Variants in CNTN4 observed in about 807,000 individuals in gnomAD.
CNTN4 encodes the protein contactin 4.
A neutral mutation model predicts 122.5 loss-of-function variants in CNTN4; 77 were observed. The observed-to-expected ratio is 0.63, with a 90% confidence interval of 0.52 to 0.76. The LOEUF (loss-of-function observed/expected upper bound fraction) is 0.76. Ranked by LOEUF, CNTN4 falls within the 30% of genes least tolerant of loss-of-function variation. CNTN4 has a pLI of 0.00. For synonymous variants in CNTN4, 512 were observed against 447.0 expected (o/e 1.15, Z -1.83); for missense variants, 1,256 against 1,259.1 (o/e 1.00, Z 0.04).
Position 2,705,708 on chromosome 3 carries a change from A to G in CNTN4, c.56-30507A>G, listed in dbSNP as rs1202633206. On this transcript the variant is annotated intron_variant, in intron 4 of 24. Transcript: ENST00000418658. ...ATATATAAATAAATATATAAAATATATAATATATACAACATATAAAATATA... is the reference window on the plus strand; with the variant it reads ...ATATATAAATAAATATATAAAATATGTAATATATACAACATATAAAATATA... Among the ~76,000 whole-genome samples the G allele has an allele frequency of 5.2e-5, 5 of 96,882 alleles. No homozygotes were observed. The East Asian group carries it at 9.7e-4, about 19-fold the overall frequency. 63.6% of individuals were successfully genotyped at this position (96,882 alleles called of 152,430 possible). A position where few individuals can be genotyped will look rare whatever the true frequency, so the allele number is the denominator to read the frequency against.
intron 2 of CNTN4, among the ~76,000 whole-genome samples, chr3:2,248,211 G>A (rs1416468015): frequency 2.0e-5 from 3 of 151,854 alleles, no homozygotes; most frequent in African/African-American, 2.4e-5. Context: ...ATACATAGAC[G>A]ACTGAATATT....
chr3:2,727,311 A>G (rs939897720), intron 4 of CNTN4, among the ~76,000 whole-genome samples: 1 of 152,226 alleles, frequency 6.6e-6, no homozygotes, highest in African/African-American at 2.4e-5. Context: ...TCTGCAGCAA[A>G]GCATATGAAT....
At chr3:2,897,040 A>G (rs1297600024) in intron 10 of CNTN4, among the ~76,000 whole-genome samples, 1 of 151,800 alleles carries the variant, frequency 6.6e-6, no homozygotes, top group Non-Finnish European at 1.5e-5. Context: ...TGTTTTTAGA[A>G]AATCGAAGCG....
intron 8 of CNTN4, among the ~76,000 whole-genome samples, chr3:2,872,871 T>A (rs2093802435): frequency 6.6e-6 from 1 of 152,170 alleles, no homozygotes; most frequent in Non-Finnish European, 1.5e-5. Context: ...GTTTAAAATG[T>A]TTATGTATGT....
chr3:2,161,613 A>AT (rs550051956), intron 2 of CNTN4, among the ~76,000 whole-genome samples: 76 of 152,222 alleles, frequency 5.0e-4, no homozygotes, highest in African/African-American at 1.7e-3. Flanking sequence ...CCATGATCAT[A>AT]TTTTTTTCCT....
intron 12 of CNTN4, among the ~76,000 whole-genome samples, chr3:2,917,283 G>A (rs1577263152): frequency 6.6e-6 from 1 of 151,994 alleles, no homozygotes. Context: ...GAGGGAGACC[G>A]TGGAAAGCGG....
chr3:2,732,395 G>T (rs1419988711), intron 4 of CNTN4, among the ~76,000 whole-genome samples: 1 of 151,984 alleles, frequency 6.6e-6, no homozygotes, highest in Non-Finnish European at 1.5e-5. Context: ...ACTCGGAGAC[G>T]CATTGTATTA....
At chr3:2,249,553 G>A (rs1212395651) in intron 2 of CNTN4, among the ~76,000 whole-genome samples, 1 of 151,914 alleles carries the variant, frequency 6.6e-6, no homozygotes, top group African/African-American at 2.4e-5. Context: ...CTAGCTTGTA[G>A]AGTCAAGTTT....
chr3:2,655,071 C>T (rs886266621), intron 4 of CNTN4, among the ~76,000 whole-genome samples: 3 of 152,078 alleles, frequency 2.0e-5, no homozygotes, highest in East Asian at 1.9e-4. Context: ...GGTGCAGCCA[C>T]GTAGAGTCAC....
chr3:2,386,905 A>G (rs543970532), intron 3 of CNTN4, among the ~76,000 whole-genome samples: 6 of 152,336 alleles, frequency 3.9e-5, no homozygotes, highest in South Asian at 2.1e-4. Context: ...AGCGCATTCA[A>G]TTTAGAGATT....
chr3:2,512,698 C>T (rs1251857840), intron 3 of CNTN4, among the ~76,000 whole-genome samples: 1 of 152,100 alleles, frequency 6.6e-6, no homozygotes, highest in Non-Finnish European at 1.5e-5. Flanking sequence ...GAACCAATGG[C>T]CAGGGCTAAT....
intron 4 of CNTN4, among the ~76,000 whole-genome samples, chr3:2,627,693 C>T (rs1355247911): frequency 3.3e-5 from 5 of 151,904 alleles, no homozygotes; most frequent in Non-Finnish European, 7.4e-5. Context: ...CGGGGTTTCA[C>T]CGTGTTAGCC....
chr3:2,443,523 C>G (rs2048513038), intron 3 of CNTN4, among the ~76,000 whole-genome samples: 1 of 152,184 alleles, frequency 6.6e-6, no homozygotes, highest in Non-Finnish European at 1.5e-5. Context: ...CTGATGGCCT[C>G]TTGTAACGTA....
At chr3:2,980,086 T>C (rs566544035) in intron 13 of CNTN4, among the ~76,000 whole-genome samples, 10 of 152,360 alleles carry the variant, frequency 6.6e-5, no homozygotes, top group Non-Finnish European at 1.2e-4. Context: ...AACTTTTCAA[T>C]GGCTGCAACT....
At chr3:2,568,399 G>C (rs1420166994) in intron 3 of CNTN4, among the ~76,000 whole-genome samples, 3 of 147,642 alleles carry the variant, frequency 2.0e-5, no homozygotes, top group African/African-American at 7.5e-5. Context: ...GAAAGCAATC[G>C]AGGCCTGTTT....
chr3:2,153,010 T>A (rs1206079210), intron 2 of CNTN4, among the ~76,000 whole-genome samples: 1 of 152,176 alleles, frequency 6.6e-6, no homozygotes, highest in Non-Finnish European at 1.5e-5. Flanking sequence ...TACCAGACCC[T>A]ACAGAATCAA....
intron 4 of CNTN4, among the ~76,000 whole-genome samples, chr3:2,614,066 C>T (rs752843627): frequency 1.3e-5 from 2 of 152,044 alleles, no homozygotes; most frequent in Non-Finnish European, 2.9e-5. Context: ...TCAACAAAAA[C>T]AAAAAATGTG....
At chr3:2,617,114 C>T (rs562000665) in intron 4 of CNTN4, among the ~76,000 whole-genome samples, 7,268 of 152,126 alleles carry the variant, frequency 0.048, 570 homozygotes, top group African/African-American at 0.17. Flanking sequence ...CCAAAAGCAA[C>T]GGCAACAAAA....
intron 3 of CNTN4, among the ~76,000 whole-genome samples, chr3:2,426,111 A>G (rs2047821660): frequency 6.6e-6 from 1 of 152,160 alleles, no homozygotes; most frequent in African/African-American, 2.4e-5. Flanking sequence ...TATGTTGAAT[A>G]GGAGTGGTGA....
Sources: allele counts gnomAD v4.1 joint callset (sites outside exome capture counted in the v4.1 genomes callset), GRCh38; gene constraint gnomAD v4.1.1; transcripts MANE v1.5; gene names NCBI Gene and HGNC (gene_info 2026-07-23, HGNC 2026-07-21).